Variants in GABRG3 observed in about 807,000 individuals in gnomAD.
The protein encoded by GABRG3 is gamma-aminobutyric acid type A receptor subunit gamma3, also known as gamma-aminobutyric acid receptor subunit gamma-3.
In GABRG3, 25 loss-of-function variants were observed where a neutral mutation model predicts 48.8. The observed-to-expected ratio is 0.51, with a 90% CI of 0.37 to 0.72. GABRG3 has a LOEUF of 0.72. Among genes scored for constraint, GABRG3 ranks in the 30% least tolerant of loss-of-function variants. The pLI is 0.00. For missense variants in GABRG3, 394 were observed against 577.9 expected (o/e 0.68, Z 3.26); for synonymous variants, 227 against 217.6 (o/e 1.04, Z -0.38).
chr15:27,095,840 G>A (rs900585029), intron 3 of GABRG3, among the ~76,000 whole-genome samples: 1 of 152,084 alleles, frequency 6.6e-6, no homozygotes, highest in African/African-American at 2.4e-5. Flanking sequence ...ACACCAACCC[G>A]TTTTCAGACA....
At chr15:27,036,856 G>A (rs1306159352) in intron 3 of GABRG3, among the ~76,000 whole-genome samples, 5 of 152,140 alleles carry the variant, frequency 3.3e-5, no homozygotes, top group Non-Finnish European at 4.4e-5. Flanking sequence ...TATACGTTGA[G>A]TCTCATCCTC....
chr15:27,349,510 C>T (rs1190189815), intron 5 of GABRG3, among the ~76,000 whole-genome samples: 3 of 152,140 alleles, frequency 2.0e-5, no homozygotes, highest in Non-Finnish European at 4.4e-5. Flanking sequence ...ATACAGAAAA[C>T]CACAAAAGTC....
chr15:27,485,400 A>G (rs563539437), intron 6 of GABRG3, among the ~76,000 whole-genome samples: 1 of 152,332 alleles, frequency 6.6e-6, no homozygotes, highest in Admixed American at 6.5e-5. Flanking sequence ...AAAGGGTCTG[A>G]AAAGCAGACT....
At chr15:27,252,190 G>T (rs997340383) in intron 3 of GABRG3, among the ~76,000 whole-genome samples, 1 of 152,106 alleles carries the variant, frequency 6.6e-6, no homozygotes, top group Admixed American at 6.5e-5. Flanking sequence ...TGAGAGACGG[G>T]GGGTGGCCGT....
At chr15:27,131,233 T>G (rs915932394) in intron 3 of GABRG3, among the ~76,000 whole-genome samples, 1 of 152,122 alleles carries the variant, frequency 6.6e-6, no homozygotes, top group Admixed American at 6.5e-5. Context: ...TTTGAGTGCT[T>G]CTTTTCACAA....
intron 3 of GABRG3, among the ~76,000 whole-genome samples, chr15:27,078,702 A>G (rs1896947531): frequency 6.6e-6 from 1 of 152,184 alleles, no homozygotes; most frequent in African/African-American, 2.4e-5. Context: ...CTTTGTTTTC[A>G]GGATGAAAGG....
chr15:27,048,077 G>A (rs1428846202), intron 3 of GABRG3, among the ~76,000 whole-genome samples: 1 of 152,160 alleles, frequency 6.6e-6, no homozygotes, highest in East Asian at 1.9e-4. Flanking sequence ...AGGGAGTCTG[G>A]AGGGGGCTCC....
chr15:27,171,774 G>A (rs961209037), intron 3 of GABRG3, among the ~76,000 whole-genome samples: 1 of 152,086 alleles, frequency 6.6e-6, no homozygotes, highest in Non-Finnish European at 1.5e-5. Flanking sequence ...GCCTTTCTAT[G>A]TGCAGTGAGG....
intron 3 of GABRG3, among the ~76,000 whole-genome samples, chr15:27,068,964 G>A (rs1451898849): frequency 1.3e-5 from 2 of 152,184 alleles, no homozygotes; most frequent in East Asian, 3.9e-4. Flanking sequence ...CACCACTCAG[G>A]CATCATTGCA....
chr15:26,992,633 G>C (rs892994455), intron 2 of GABRG3, among the ~76,000 whole-genome samples: 24 of 152,002 alleles, frequency 1.6e-4, no homozygotes, highest in African/African-American at 5.1e-4. Flanking sequence ...ATTTTGTTGA[G>C]TATTTTTGCA....
At chr15:27,168,401 C>T (rs183128720) in intron 3 of GABRG3, among the ~76,000 whole-genome samples, 17 of 152,296 alleles carry the variant, frequency 1.1e-4, no homozygotes, top group Admixed American at 9.8e-4. Context: ...GCAAGTTCCC[C>T]TGTGAAGGGC....
At chr15:27,158,396 C>A (rs1480375356) in intron 3 of GABRG3, 3 of 152,098 alleles carry the variant, frequency 2.0e-5, no homozygotes, top group Admixed American at 2.0e-4. Flanking sequence ...TGATCCTGTA[C>A]CTAAGAGTCC....
At chr15:27,310,294 A>C (rs1341515044) in intron 3 of GABRG3, among the ~76,000 whole-genome samples, 1 of 152,276 alleles carries the variant, frequency 6.6e-6, no homozygotes, top group East Asian at 1.9e-4. Context: ...ATGTGTCTAA[A>C]ATTTATGGAA....
chr15:27,193,044 C>T (rs1313146369), intron 3 of GABRG3, among the ~76,000 whole-genome samples: 10 of 152,106 alleles, frequency 6.6e-5, no homozygotes, highest in African/African-American at 2.4e-4. Flanking sequence ...TTTCGTGAAC[C>T]GCGAATGCTG....
chr15:27,086,979 G>T (rs1407339935), intron 3 of GABRG3, among the ~76,000 whole-genome samples: 1 of 152,228 alleles, frequency 6.6e-6, no homozygotes, highest in African/African-American at 2.4e-5. Flanking sequence ...TTTCCAGAAA[G>T]TGTCTGCAGG....
At chr15:27,036,215 G>C (rs999523523) in intron 3 of GABRG3, among the ~76,000 whole-genome samples, 3 of 152,204 alleles carry the variant, frequency 2.0e-5, no homozygotes, top group Non-Finnish European at 2.9e-5. Context: ...TGGCCACCCC[G>C]TGAAGGTTTC....
At chr15:27,519,936 C>T (rs1429581630) in intron 6 of GABRG3, 36 bp from the exon 7 acceptor site, 3 of 1,410,892 alleles carry the variant, frequency 2.1e-6, no homozygotes, top group Non-Finnish European at 2.8e-6. Flanking sequence ...TTTGACCCAT[C>T]AAAGTTGTCT....
rs1891570936 is a variant in GABRG3, at chr15:27,537,359, A to T, written c.*4478A>T. ...CCTGAGCCCCCTTCCAATTTCCCAAAATTGAGAAAGTGTGTAATCTGTACC... is the reference window on the plus strand; with the variant it reads ...CCTGAGCCCCCTTCCAATTTCCCAATATTGAGAAAGTGTGTAATCTGTACC... On this transcript the variant is annotated 3_prime_UTR_variant, in exon 10 of 10. Coordinates refer to ENST00000615808, the MANE Select transcript of GABRG3 (RefSeq NM_033223.5). 1 of 152,184 alleles carries T rather than the reference A, an allele frequency of 6.6e-6. No individual in the cohort carries two copies. Among genetic ancestry groups the T allele is most frequent in the South Asian group, 2.1e-4 (1 of 4,822 alleles). 9.4% of individuals were successfully genotyped at this position (152,184 alleles called of 1,614,324 possible).
chr15:27,070,033 G>C (rs1484696647), intron 3 of GABRG3, among the ~76,000 whole-genome samples: 1 of 152,220 alleles, frequency 6.6e-6, no homozygotes, highest in East Asian at 1.9e-4. Flanking sequence ...ATTAGAGAGA[G>C]GAAGGAGAGA....
Sources: allele counts gnomAD v4.1 joint callset (sites outside exome capture counted in the v4.1 genomes callset), GRCh38; gene constraint gnomAD v4.1.1; transcripts MANE v1.5; gene names NCBI Gene and HGNC (gene_info 2026-07-23, HGNC 2026-07-21).